AUTS2: variants seen among roughly 807,000 people sequenced by gnomAD.
AUTS2 encodes autism susceptibility gene 2 protein.
In AUTS2, 17 loss-of-function variants were observed where a neutral mutation model predicts 112.4. That is an observed-to-expected ratio of 0.15 (90% CI 0.10 to 0.23). The LOEUF (loss-of-function observed/expected upper bound fraction) is 0.23. Ranked by LOEUF, AUTS2 falls within the 10% of genes least tolerant of loss-of-function variation. AUTS2 has a pLI of 1.00. For missense variants in AUTS2, 1,510 were observed against 1,701.6 expected (o/e 0.89, Z 1.98); for synonymous variants, 751 against 702.7 (o/e 1.07, Z -1.09).
intron 2 of AUTS2, among the ~76,000 whole-genome samples, chr7:70,117,112 T>TG (rs1805405097): frequency 1.0e-5 from 1 of 97,040 alleles, no homozygotes; most frequent in Non-Finnish European, 2.0e-5. Context: ...TTGTTTTTTT[T>TG]TTTTGTTTTT....
At chr7:70,065,601 G>A (rs1032962744) in intron 2 of AUTS2, among the ~76,000 whole-genome samples, 7 of 152,228 alleles carry the variant, frequency 4.6e-5, no homozygotes, top group Admixed American at 3.9e-4. Flanking sequence ...GGAGGCTGAG[G>A]CAGGAGAATT....
At chr7:70,724,630 A>G (rs957881569) in intron 6 of AUTS2, among the ~76,000 whole-genome samples, 12 of 151,596 alleles carry the variant, frequency 7.9e-5, no homozygotes, top group Non-Finnish European at 1.5e-4. Flanking sequence ...ATTTTTTAGT[A>G]CAGACAGGGT....
At chr7:70,239,494 G>A (rs1321174312) in intron 4 of AUTS2, among the ~76,000 whole-genome samples, 1 of 152,098 alleles carries the variant, frequency 6.6e-6, no homozygotes, top group African/African-American at 2.4e-5. Flanking sequence ...GGAGTGCAAT[G>A]GTGCGATCTT....
intron 5 of AUTS2, among the ~76,000 whole-genome samples, chr7:70,440,808 T>C (rs1377087876): frequency 6.6e-6 from 1 of 152,230 alleles, no homozygotes; most frequent in Non-Finnish European, 1.5e-5. Flanking sequence ...ATAGCTCTTG[T>C]CCCTTCAGCA....
At chr7:69,997,377 A>G (rs534056704) in intron 2 of AUTS2, among the ~76,000 whole-genome samples, 4 of 152,320 alleles carry the variant, frequency 2.6e-5, no homozygotes, top group African/African-American at 9.6e-5. Flanking sequence ...TTTTGGCATG[A>G]AATTAAACTG....
At chr7:70,780,287 A>AAGAT (rs1297219731) in intron 14 of AUTS2, among the ~76,000 whole-genome samples, 1 of 152,188 alleles carries the variant, frequency 6.6e-6, no homozygotes, top group African/African-American at 2.4e-5. Flanking sequence ...GCCAGGGGAA[A>AAGAT]AGATTGAGAG....
chr7:69,741,294 G>C (rs1215126546), intron 1 of AUTS2, among the ~76,000 whole-genome samples: 1 of 152,144 alleles, frequency 6.6e-6, no homozygotes, highest in Non-Finnish European at 1.5e-5. Context: ...CCATTTTCCA[G>C]CTCATTCCTT....
intron 4 of AUTS2, among the ~76,000 whole-genome samples, chr7:70,313,613 A>G (rs1407127164): frequency 6.6e-6 from 1 of 152,180 alleles, no homozygotes. Flanking sequence ...TAATAAGCAA[A>G]TGGATGAACT....
chr7:70,450,531 C>T (rs1031857690), intron 5 of AUTS2, among the ~76,000 whole-genome samples: 1 of 152,146 alleles, frequency 6.6e-6, no homozygotes, highest in Non-Finnish European at 1.5e-5. Context: ...TGGTCAGGGT[C>T]CATGGCAGTG....
intron 5 of AUTS2, among the ~76,000 whole-genome samples, chr7:70,528,099 T>TTTTTTTTA (rs1554421891): frequency 4.3e-5 from 4 of 92,774 alleles, no homozygotes; most frequent in Non-Finnish European, 8.4e-5. Flanking sequence ...AAGGATTTTT[T>TTTTTTTTA]TTTTTTTTTT....
chr7:70,225,979 A>G (rs1811743910), intron 4 of AUTS2, among the ~76,000 whole-genome samples: 1 of 152,194 alleles, frequency 6.6e-6, no homozygotes, highest in Admixed American at 6.5e-5. Context: ...ACAGAGAGCT[A>G]TGAATACTAG....
At chr7:69,774,137 G>A (rs1788794187) in intron 1 of AUTS2, among the ~76,000 whole-genome samples, 1 of 152,240 alleles carries the variant, frequency 6.6e-6, no homozygotes, top group African/African-American at 2.4e-5. Flanking sequence ...CCAGGGCTGG[G>A]AGCAGTGGCT....
chr7:70,453,083 C>G (rs1293133784), intron 5 of AUTS2, among the ~76,000 whole-genome samples: 1 of 152,154 alleles, frequency 6.6e-6, no homozygotes, highest in African/African-American at 2.4e-5. Flanking sequence ...TAAAATGGAG[C>G]CTCTTGTGTG....
intron 5 of AUTS2, among the ~76,000 whole-genome samples, chr7:70,443,148 T>G (rs897254398): frequency 2.0e-5 from 3 of 152,204 alleles, no homozygotes; most frequent in African/African-American, 7.2e-5. Flanking sequence ...GATTTTCAAT[T>G]AAATATAGGT....
At chr7:70,003,306 T>C (rs974455979) in intron 2 of AUTS2, among the ~76,000 whole-genome samples, 1 of 131,974 alleles carries the variant, frequency 7.6e-6, no homozygotes, top group Non-Finnish European at 1.5e-5. Context: ...GAATATATTA[T>C]ATATGAATAT....
chr7:70,448,976 A>C (rs999314284), intron 5 of AUTS2, among the ~76,000 whole-genome samples: 3 of 152,238 alleles, frequency 2.0e-5, no homozygotes, highest in African/African-American at 7.2e-5. Flanking sequence ...GAAACTCTTA[A>C]GTTGTAACAG....
intron 4 of AUTS2, among the ~76,000 whole-genome samples, chr7:70,402,741 G>A (rs977840752): frequency 6.6e-6 from 1 of 152,134 alleles, no homozygotes; most frequent in African/African-American, 2.4e-5. Context: ...GTCTCCAATT[G>A]TAAAGGGCAG....
chr7:70,757,720 C>A (rs1263612480), intron 6 of AUTS2, among the ~76,000 whole-genome samples: 3 of 151,548 alleles, frequency 2.0e-5, no homozygotes, highest in Non-Finnish European at 2.9e-5. Context: ...CACCCCAGTT[C>A]CCTGTCTATC....
intron 5 of AUTS2, among the ~76,000 whole-genome samples, chr7:70,498,999 T>C (rs1798669023): frequency 6.6e-6 from 1 of 152,116 alleles, no homozygotes; most frequent in African/African-American, 2.4e-5. Context: ...GGAGAATGGC[T>C]CCAGTCACCA....
Sources: gnomAD v4.1 joint callset for allele counts (sites outside exome capture counted in the v4.1 genomes callset) on GRCh38, gnomAD v4.1.1 for gene constraint, MANE v1.5 for transcripts, NCBI Gene and HGNC (gene_info 2026-07-23, HGNC 2026-07-21) for gene names.